Variants in RPL28 observed in about 807,000 individuals in gnomAD.
RPL28 encodes large ribosomal subunit protein eL28.
RPL28 carries 4 observed loss-of-function variants against 12.5 expected under a neutral mutation model. That is an observed-to-expected ratio of 0.32 (90% CI 0.16 to 0.73). The LOEUF (loss-of-function observed/expected upper bound fraction) is 0.73. Among genes scored for constraint, RPL28 ranks in the 30% least tolerant of loss-of-function variants. The pLI is 0.66. For synonymous variants in RPL28, 91 were observed against 72.5 expected, an observed-to-expected ratio of 1.26 and a Z score of -1.30; for missense variants, 214 against 197.7, an observed-to-expected ratio of 1.08 and a Z score of -0.49.
chr19:55,392,303 C>T (rs1262470507), downstream of RPL28, among the ~76,000 whole-genome samples: 1 of 151,126 alleles, frequency 6.6e-6, no homozygotes, highest in Non-Finnish European at 1.5e-5. Context: ...GCAATCACGG[C>T]TCACTGCAGC....
intron 4 of RPL28, chr19:55,401,169 A>T (rs2090054745): frequency 1.9e-6 from 1 of 527,440 alleles, no homozygotes; most frequent in South Asian, 2.5e-5. Context: ...AGATGGACCC[A>T]CTGCTGCAGT....
At position 55,387,112 on chromosome 19, in the gene RPL28, C is replaced by G. The variant is rs879185612; in HGVS notation, c.205+419C>G. The G allele has an allele frequency of 4.3e-5, 57 of 1,338,978 alleles. 3 individuals are homozygous for G. The South Asian group carries it at 7.8e-4, about 18-fold the overall frequency. 82.9% of individuals were successfully genotyped at this position (1,338,978 alleles called of 1,614,324 possible). A position where few individuals can be genotyped will look rare whatever the true frequency, so the allele number is the denominator to read the frequency against. ...CTGGGTTGGTTGCAGCCATTTGATTCCCATTTTGCCTGTGTAGGTTAGAGA... is the reference window on the plus strand; with the variant it reads ...CTGGGTTGGTTGCAGCCATTTGATTGCCATTTTGCCTGTGTAGGTTAGAGA... On this transcript the variant is annotated intron_variant, in intron 3 of 4. Transcript: ENST00000344063.
intron 4 of RPL28, chr19:55,401,622 G>C (rs1419949673): frequency 6.2e-7 from 1 of 1,605,818 alleles, no homozygotes; most frequent in South Asian, 1.1e-5. Context: ...CCCTGCCGCT[G>C]GGCCCGCCGG....
chr19:55,397,769 TGAGGTGGGAGGTGGGAGGTGG>T (rs138569031), intron 4 of RPL28, among the ~76,000 whole-genome samples: 2 of 128,676 alleles, frequency 1.6e-5, no homozygotes, highest in African/African-American at 2.9e-5. Flanking sequence ...CTAGGGAGGC[TGAGGTGGGAGGTGGGAGGTGG>T]GAGGTGGGAG....
downstream of RPL28, among the ~76,000 whole-genome samples, chr19:55,394,730 C>A (rs2090011396): frequency 6.6e-6 from 1 of 151,996 alleles, no homozygotes; most frequent in Non-Finnish European, 1.5e-5. Flanking sequence ...TGCTGCCACA[C>A]CCAGCTAATT....
At position 55,388,017 on chromosome 19, in the gene RPL28, G is replaced by T; in HGVS notation, c.293G>T (p.Arg98Leu). Reference sequence around the variant, plus strand: ...CTCAGCAGCATCAGACACATGATCCGCAAGAACAAGTACCGCCCCGACCTG... The same window carrying T: ...CTCAGCAGCATCAGACACATGATCCTCAAGAACAAGTACCGCCCCGACCTG... ...ATLSSIRHMI[R>L]KNKYRPDLRM... The change falls in exon 4 of 5, where the codon CGC (arginine) becomes CTC (leucine). Residue 98 changes from arginine to leucine, a missense_variant. By Grantham distance (102) the Arg-to-Leu change is moderately radical (BLOSUM62 -2). Transcript: ENST00000344063. The T allele has an allele frequency of 6.2e-7, 1 of 1,613,568 alleles. No individual in the cohort carries two copies. Among genetic ancestry groups the T allele is most frequent in the African/African-American group, 1.3e-5 (1 of 75,028 alleles).
chr19:55,393,635 T>TG (rs1482407501), downstream of RPL28, among the ~76,000 whole-genome samples: 1 of 145,572 alleles, frequency 6.9e-6, no homozygotes, highest in African/African-American at 2.6e-5. Context: ...CAATTTGTTT[T>TG]TTTTTTTTTT....
chr19:55,401,209 G>A (rs1273216986), intron 4 of RPL28: 1 of 600,924 alleles, frequency 1.7e-6, no homozygotes, highest in Non-Finnish European at 2.9e-6. Flanking sequence ...CCCAGGGCCT[G>A]TGCAGGGGAG....
chr19:55,395,579 GAC>G (rs2090016346), downstream of RPL28, among the ~76,000 whole-genome samples: 2 of 151,852 alleles, frequency 1.3e-5, no homozygotes, highest in African/African-American at 4.8e-5. Flanking sequence ...TAGTAGCTGG[GAC>G]TACAGGCGCC....
At chr19:55,395,658 T>G (rs989389082), downstream of RPL28, among the ~76,000 whole-genome samples, 1 of 150,090 alleles carries the variant, frequency 6.7e-6, no homozygotes, top group Admixed American at 6.6e-5. Flanking sequence ...TTAGCCAGGA[T>G]GGTCTCAATC....
Position 55,388,369 on chromosome 19 carries a change from T to C in RPL28, c.*37T>C. ...CCAGAGCAATAAAGTCAGCTGGCTT[T>C]CTCACCTGCCTCGACTGGGCCTCCC... On this transcript the variant is annotated 3_prime_UTR_variant, in exon 5 of 5. Transcript: ENST00000344063. 1.4e-6 allele frequency: 2 copies of C among 1,450,852 alleles called. No individual in the cohort carries two copies. The highest frequency in any genetic ancestry group is 1.4e-5 in the African/African-American group (1 of 69,406). The allele number at this position is 1,450,852 out of a possible 1,614,324, so 89.9% of individuals were successfully genotyped here.
rs368157439 is a variant in RPL28 at position 55,391,452 on chromosome 19, G to A, written c.*3120G>A. On this transcript the variant is annotated 3_prime_UTR_variant, in exon 5 of 5. Transcript: ENST00000344063. The stretch of plus-strand genomic sequence containing the variant: ...GCTGCATGGTGAGTGAGCGTAGGGC[G>A]CACCCTGGAAGGCTGCCAAGCCCAA... 123 of 1,350,188 alleles carry A rather than the reference G, an allele frequency of 9.1e-5. No individual in the cohort carries two copies. The highest frequency in any genetic ancestry group is 1.1e-4 in the Non-Finnish European group (114 of 1,042,778). The allele number at this position is 1,350,188 out of a possible 1,614,324, so 83.6% of individuals were successfully genotyped here. A position where few individuals can be genotyped will look rare whatever the true frequency, so the allele number is the denominator to read the frequency against.
intron 3 of RPL28, chr19:55,387,054 G>T: frequency 1.4e-6 from 2 of 1,437,384 alleles, no homozygotes; most frequent in Non-Finnish European, 1.8e-6. Context: ...AACAGGGGAG[G>T]GGCCCTCGCT....
At position 55,389,557 on chromosome 19, in the gene RPL28, G is replaced by C. The variant is rs1301545856; in HGVS notation, c.*1225G>C. 1 of 985,354 alleles carries C rather than the reference G, an allele frequency of 1.0e-6. No homozygotes were observed. Among genetic ancestry groups the C allele is most frequent in the Non-Finnish European group, 1.2e-6 (1 of 829,968 alleles). 61.0% of individuals were successfully genotyped at this position (985,354 alleles called of 1,614,324 possible). The stretch of plus-strand genomic sequence containing the variant: ...GGCTCTGACTGAGAGTAAGGGGACT[G>C]TCAGGGCCTCGACTTGCCATTGGTT... On this transcript the variant is annotated 3_prime_UTR_variant, in exon 5 of 5. Transcript: ENST00000344063.
intron 1 of RPL28, 37 bp from the exon 2 acceptor site, chr19:55,386,313 T>G (rs781406812): frequency 1.3e-6 from 2 of 1,598,264 alleles, no homozygotes; most frequent in Non-Finnish European, 1.7e-6. Context: ...TTTAGTTCTC[T>G]GTGTCTGACG....
chr19:55,387,166 TTG>T lies in RPL28; in HGVS notation c.205+476_205+477del, dbSNP rs2089939372. 3.9e-6 allele frequency: 5 copies of T among 1,294,102 alleles called. No homozygotes were observed. In the Admixed American group the frequency reaches 1.0e-4, roughly 26 times the overall value. The allele number at this position is 1,294,102 out of a possible 1,614,324, so 80.2% of individuals were successfully genotyped here. On this transcript the variant is annotated intron_variant, in intron 3 of 4. Transcript: ENST00000344063. The stretch of plus-strand genomic sequence containing the variant: ...GGTCTTGGGGACCCCACTCCATACA[TTG>T]TGCTGTCAGGTGCAGGCCTTTTTGG...
chr19:55,386,878 T>G, intron 3 of RPL28, 185 bp downstream of exon 3: 1 of 1,542,604 alleles, frequency 6.5e-7, no homozygotes, highest in Non-Finnish European at 8.7e-7. Flanking sequence ...CGCGCGCGTC[T>G]GAGCCCGTGT....
intron 4 of RPL28, among the ~76,000 whole-genome samples, chr19:55,399,105 C>T (rs561983855): frequency 6.6e-6 from 1 of 152,010 alleles, no homozygotes; most frequent in East Asian, 1.9e-4. Context: ...CTCACACTTC[C>T]GCCTCCGAAG....
rs189459136 is a variant in RPL28 at position 55,388,802 on chromosome 19, A to G, written c.*470A>G. 133 of 990,644 alleles carry G rather than the reference A, an allele frequency of 1.3e-4. No individual in the cohort carries two copies. The Admixed American group carries it at 7.7e-3, about 58-fold the overall frequency. The allele number at this position is 990,644 out of a possible 1,614,324, so 61.4% of individuals were successfully genotyped here. ...GGGAGGAAGATGAGATGACTTTTGC[A>G]TCCAGGGAGTGGGTGCAGCCACATT... On this transcript the variant is annotated 3_prime_UTR_variant, in exon 5 of 5. Coordinates refer to ENST00000344063, the MANE Select transcript of RPL28 (RefSeq NM_000991.5).
Sources: gnomAD v4.1 joint callset for allele counts (sites outside exome capture counted in the v4.1 genomes callset) on GRCh38, gnomAD v4.1.1 for gene constraint, MANE v1.5 for transcripts, NCBI Gene and HGNC (gene_info 2026-07-23, HGNC 2026-07-21) for gene names.